The following EML4 variants were observed in gnomAD, a reference collection of about 807,000 sequenced individuals.
EML4 encodes EMAP like 4.
Under a neutral mutation model 129.0 loss-of-function variants are expected in EML4, and 72 were observed. That is an observed-to-expected ratio of 0.56 (90% CI 0.46 to 0.68). EML4 has a LOEUF of 0.68. Among genes scored for constraint, EML4 ranks in the 30% least tolerant of loss-of-function variants. The probability of loss-of-function intolerance (pLI) is 0.00; values close to 1 mark genes in which losing one functional copy is unlikely to be tolerated. For synonymous variants in EML4, 532 were observed against 405.0 expected (o/e 1.31, Z -3.77); for missense variants, 1,363 against 1,190.6 (o/e 1.14, Z -2.13).
At chr2:42,305,223 GT>G (rs1390198433) in intron 17 of EML4, among the ~76,000 whole-genome samples, 28 of 152,142 alleles carry the variant, frequency 1.8e-4, no homozygotes, top group African/African-American at 5.6e-4. Context: ...ACCAGCCTGG[GT>G]GAGACACCAT....
chr2:42,176,659 G>GTGA (rs1670620549), intron 1 of EML4, among the ~76,000 whole-genome samples: 1 of 151,976 alleles, frequency 6.6e-6, no homozygotes, highest in Non-Finnish European at 1.5e-5. Context: ...GTATTCTTCC[G>GTGA]TGAACACTTG....
chr2:42,283,006 C>A (rs1667096811), intron 8 of EML4, 34 bp downstream of exon 8: 1 of 1,531,590 alleles, frequency 6.5e-7, no homozygotes, highest in Non-Finnish European at 8.8e-7. Context: ...CATTTTTGTT[C>A]TTTCAGGCCC....
intron 1 of EML4, among the ~76,000 whole-genome samples, chr2:42,180,782 C>G (rs184908709): frequency 6.6e-6 from 1 of 152,294 alleles, no homozygotes; most frequent in Non-Finnish European, 1.5e-5. Flanking sequence ...CACTAATTGT[C>G]TCAATAATGT....
intron 1 of EML4, among the ~76,000 whole-genome samples, chr2:42,220,257 T>TAC (rs1673499007): frequency 7.6e-6 from 1 of 130,820 alleles, no homozygotes; most frequent in Non-Finnish European, 1.6e-5. Context: ...TTTTTTTTTT[T>TAC]ACAAATTGAA....
intron 6 of EML4, among the ~76,000 whole-genome samples, chr2:42,268,151 T>C (rs1191539732): frequency 6.6e-6 from 1 of 152,238 alleles, no homozygotes; most frequent in Non-Finnish European, 1.5e-5. Context: ...TTCACATTCC[T>C]GGATTCAACC....
chr2:42,311,328 AG>A (rs1668935041), intron 17 of EML4, among the ~76,000 whole-genome samples: 1 of 152,196 alleles, frequency 6.6e-6, no homozygotes, highest in African/African-American at 2.4e-5. Context: ...GCACTTTGGG[AG>A]GCCAAGGTGG....
chr2:42,216,230 CTTTTTTTTTTT>C (rs61417977), intron 1 of EML4, among the ~76,000 whole-genome samples: 6 of 43,378 alleles, frequency 1.4e-4, no homozygotes, highest in East Asian at 7.3e-4. Flanking sequence ...CGGCCCACTT[CTTTTTTTTTTT>C]TTTTTTTTTT....
chr2:42,302,971 A>T lies in EML4; in HGVS notation c.1642-133A>T. On this transcript the variant is annotated intron_variant, in intron 14 of 22. Coordinates refer to ENST00000318522, the MANE Select transcript of EML4 (RefSeq NM_019063.5). Reference sequence around the variant, plus strand: ...ATTGGACAAATAAATTAGTAGTAGTATGAGATTACCATATCCAAATTTGGG... The same window carrying T: ...ATTGGACAAATAAATTAGTAGTAGTTTGAGATTACCATATCCAAATTTGGG... 4 of 707,350 alleles carry T rather than the reference A, an allele frequency of 5.7e-6. No individual in the cohort carries two copies. In the South Asian group the frequency reaches 7.4e-5, roughly 13 times the overall value. The allele number at this position is 707,350 out of a possible 1,614,324, so 43.8% of individuals were successfully genotyped here.
Position 42,286,384 on chromosome 2 carries a change from GTAAC to G in EML4, c.1122+6_1122+9del, listed in dbSNP as rs1177301396. 3 of 1,574,546 alleles carry G rather than the reference GTAAC, an allele frequency of 1.9e-6. No homozygotes were observed. Among genetic ancestry groups the G allele is most frequent in the Non-Finnish European group, 2.6e-6 (3 of 1,143,972 alleles). ...TGCCTGGATTTTTCAAAAGCAGTAA[GTAAC>G]AATTTTTAGAGAAGTAAGCAAGCTG... On this transcript the variant is annotated splice_donor_region_variant and intron_variant, in intron 10 of 22. Coordinates refer to ENST00000318522, the MANE Select transcript of EML4 (RefSeq NM_019063.5).
At chr2:42,224,436 C>T (rs1273724956) in intron 1 of EML4, among the ~76,000 whole-genome samples, 1 of 152,110 alleles carries the variant, frequency 6.6e-6, no homozygotes, top group Non-Finnish European at 1.5e-5. Context: ...CGTGTGAGCA[C>T]ATAACTGTTC....
intron 1 of EML4, among the ~76,000 whole-genome samples, chr2:42,187,823 T>C (rs528239337): frequency 3.3e-5 from 5 of 152,312 alleles, no homozygotes; most frequent in South Asian, 4.1e-4. Flanking sequence ...GTGAAAGTTT[T>C]TTAGTTTGAT....
intron 17 of EML4, among the ~76,000 whole-genome samples, chr2:42,312,903 A>G (rs1056282672): frequency 9.1e-5 from 13 of 143,164 alleles, no homozygotes; most frequent in African/African-American, 3.4e-4. Flanking sequence ...GCCCCCACCT[A>G]CCTTCAAGTT....
In EML4 at chr2:42,323,814, C is replaced by T. The variant is rs536558154; in HGVS notation, c.2155-1653C>T. On this transcript the variant is annotated intron_variant, in intron 19 of 22. Transcript: ENST00000318522. ...CAAAAATTAGCGGGGCGTGGTGATG[C>T]GCACCTGTAGTCCCAGCTACTTGGG... Among the ~76,000 whole-genome samples the T allele has an allele frequency of 4.1e-5, 6 of 148,058 alleles. No homozygotes were observed. In the East Asian group the frequency reaches 6.0e-4, roughly 15 times the overall value.
intron 2 of EML4, among the ~76,000 whole-genome samples, chr2:42,254,711 C>T (rs1304861866): frequency 4.0e-5 from 6 of 151,518 alleles, no homozygotes; most frequent in African/African-American, 9.7e-5. Context: ...TGTAAAATGG[C>T]GCAGCCACTG....
At chr2:42,208,738 G>A (rs1263985090) in intron 1 of EML4, among the ~76,000 whole-genome samples, 1 of 150,796 alleles carries the variant, frequency 6.6e-6, no homozygotes, top group Non-Finnish European at 1.5e-5. Flanking sequence ...TGGCCTGGAA[G>A]CCTACTCCTT....
At chr2:42,319,588 C>CT (rs1168548522) in intron 19 of EML4, 1 of 152,202 alleles carries the variant, frequency 6.6e-6, no homozygotes, top group Admixed American at 6.5e-5. Context: ...CAGTCCCCTG[C>CT]TTTTATCTAT....
intron 7 of EML4, among the ~76,000 whole-genome samples, chr2:42,281,494 T>A (rs1441522020): frequency 6.6e-6 from 1 of 152,200 alleles, no homozygotes; most frequent in Non-Finnish European, 1.5e-5. Flanking sequence ...AACAATATTT[T>A]TTGAACATCA....
chr2:42,185,855 G>T (rs1387007299), intron 1 of EML4, among the ~76,000 whole-genome samples: 2 of 152,140 alleles, frequency 1.3e-5, no homozygotes, highest in Non-Finnish European at 2.9e-5. Flanking sequence ...ATCTAGGAGA[G>T]ACATGAAGGG....
chr2:42,246,672 G>A (rs1373797236), intron 2 of EML4, among the ~76,000 whole-genome samples: 1 of 152,166 alleles, frequency 6.6e-6, no homozygotes, highest in Admixed American at 6.5e-5. Flanking sequence ...GTTTTGGCTA[G>A]CAGTAAGAAT....
Sources: allele counts gnomAD v4.1 joint callset (sites outside exome capture counted in the v4.1 genomes callset), GRCh38; gene constraint gnomAD v4.1.1; transcripts MANE v1.5; gene names NCBI Gene and HGNC (gene_info 2026-07-23, HGNC 2026-07-21).